Variants in AK3 observed in about 807,000 individuals in gnomAD.
AK3 encodes the protein adenylate kinase 3, also known as GTP:AMP phosphotransferase AK3, mitochondrial.
A neutral mutation model predicts 23.7 loss-of-function variants in AK3; 27 were observed. The ratio of observed to expected loss-of-function variants is 1.14; its 90% confidence interval spans 0.84 to 1.57. The LOEUF (loss-of-function observed/expected upper bound fraction) is 1.57, where lower values mean the gene tolerates loss of function less well. Ranked by LOEUF, AK3 falls within the 40% of genes most tolerant of loss-of-function variation. The pLI, the probability that AK3 is intolerant of heterozygous loss-of-function variation, is 0.00. For missense variants in AK3, 406 were observed against 285.6 expected (o/e 1.42, Z -3.04); for synonymous variants, 159 against 116.0 (o/e 1.37, Z -2.38).
chr9:4,733,104 C>T (rs916279616), intron 1 of AK3, among the ~76,000 whole-genome samples: 1 of 152,012 alleles, frequency 6.6e-6, no homozygotes, highest in African/African-American at 2.4e-5. Context: ...CTGCCTTAGC[C>T]TCCCAAAGTG....
At chr9:4,721,201 G>C (rs1408486023) in intron 2 of AK3, among the ~76,000 whole-genome samples, 1 of 152,084 alleles carries the variant, frequency 6.6e-6, no homozygotes, top group Non-Finnish European at 1.5e-5. Context: ...CCAGGAGTTT[G>C]AGACCAGTCT....
At position 4,711,595 on chromosome 9, in the gene AK3, A is replaced by C. The variant is rs150386045; in HGVS notation, c.*1381T>G. The C allele has an allele frequency of 1.3e-5, 2 of 152,488 alleles. No individual in the cohort carries two copies. The highest frequency in any genetic ancestry group is 1.5e-5 in the Non-Finnish European group (1 of 68,016). 9.4% of individuals were successfully genotyped at this position (152,488 alleles called of 1,614,324 possible). Reference sequence around the variant, plus strand: ...GGGAAAAAAACGGAACAGATTTTTAAAGGCAATAACGACTTGTAAGACGGC... The same window carrying C: ...GGGAAAAAAACGGAACAGATTTTTACAGGCAATAACGACTTGTAAGACGGC... On this transcript the variant is annotated 3_prime_UTR_variant, in exon 5 of 5. Coordinates refer to ENST00000381809, the MANE Select transcript of AK3 (RefSeq NM_016282.4).
At chr9:4,715,216 C>CAAAAAAAA (rs1237615381) in intron 4 of AK3, among the ~76,000 whole-genome samples, 3 of 56,792 alleles carry the variant, frequency 5.3e-5, no homozygotes, top group Non-Finnish European at 1.0e-4. Flanking sequence ...GACTCCGTCT[C>CAAAAAAAA]AAAAAAAAAA....
rs368373795 is a variant in AK3 at position 4,712,999 on chromosome 9, G to C, written c.661C>G (p.Gln221Glu). The C allele has an allele frequency of 2.5e-6, 4 of 1,613,388 alleles. No individual in the cohort carries two copies. In the African/African-American group the frequency reaches 5.3e-5, roughly 22 times the overall value. ...CCTCATGGAGTAACTGAAGCTTTCTGGCTTCTTTGTGGAACTTTAGTTTGT... is the reference window on the plus strand; with the variant it reads ...CCTCATGGAGTAACTGAAGCTTTCTCGCTTCTTTGTGGAACTTTAGTTTGT... ...FLQTKVPQRS[Q>E]KASVTP The change falls in exon 5 of 5, where the codon CAG (glutamine) becomes GAG (glutamate). Residue 221 changes from glutamine (Q) to glutamate (E), a missense_variant. By Grantham distance (29) the Gln-to-Glu change is conservative (BLOSUM62 2). Coordinates refer to ENST00000381809, the MANE Select transcript of AK3 (RefSeq NM_016282.4).
At chr9:4,734,879 A>C (rs988410171) in intron 1 of AK3, among the ~76,000 whole-genome samples, 31 of 152,286 alleles carry the variant, frequency 2.0e-4, no homozygotes, top group Non-Finnish European at 4.0e-4. Context: ...ACACTAAGCT[A>C]AATGAAAGAA....
Position 4,732,165 on chromosome 9 carries a change from T to C in AK3, c.151+8772A>G, listed in dbSNP as rs139412368. On this transcript the variant is annotated intron_variant, in intron 1 of 4. Transcript: ENST00000381809. ...GGGAGTCTTGCTTTGCCCAAGCTGG[T>C]CTTGAACTCCTGGGCTTAAGTGATC... Among the ~76,000 whole-genome samples the C allele has an allele frequency of 2.6e-5, 4 of 152,268 alleles. No homozygotes were observed. In the East Asian group the frequency reaches 5.8e-4, roughly 22 times the overall value.
chr9:4,713,211 T>C (rs1841610729), intron 4 of AK3, 115 bp from the exon 5 acceptor site: 6 of 1,349,922 alleles, frequency 4.4e-6, no homozygotes, highest in Admixed American at 2.4e-5. Flanking sequence ...TTGGTAAGTA[T>C]AGATTTGTGT....
rs564399478 is a variant in AK3, at chr9:4,719,080, G to T, written c.444+55C>A. On this transcript the variant is annotated intron_variant, in intron 3 of 4. Coordinates refer to ENST00000381809, the MANE Select transcript of AK3 (RefSeq NM_016282.4). ...AGTTCACTCAACTTATGTCTGTTAGGGCAAGAGGACTCAGGGACAGTCTGC... is the reference window on the plus strand; with the variant it reads ...AGTTCACTCAACTTATGTCTGTTAGTGCAAGAGGACTCAGGGACAGTCTGC... 3.5e-4 allele frequency: 558 copies of T among 1,592,678 alleles called. 2 individuals are homozygous for T. The highest frequency in any genetic ancestry group is 2.4e-3 in the Admixed American group (145 of 59,676).
intron 1 of AK3, among the ~76,000 whole-genome samples, chr9:4,735,940 C>T (rs897485708): frequency 1.4e-5 from 2 of 144,552 alleles, no homozygotes; most frequent in African/African-American, 2.5e-5. Context: ...CATGGTGAAA[C>T]CCCATCTCTA....
At chr9:4,723,308 T>C (rs761536997) in intron 1 of AK3, among the ~76,000 whole-genome samples, 9 of 152,200 alleles carry the variant, frequency 5.9e-5, no homozygotes, top group Non-Finnish European at 1.0e-4. Context: ...TCTTTAAAAA[T>C]AAGAATCTGA....
intron 4 of AK3, among the ~76,000 whole-genome samples, chr9:4,714,458 T>C (rs1362789448): frequency 6.6e-6 from 1 of 152,218 alleles, no homozygotes; most frequent in Non-Finnish European, 1.5e-5. Flanking sequence ...AAGGAAATTA[T>C]GCAAATACAG....
chr9:4,714,937 G>A (rs1001793822), intron 4 of AK3, among the ~76,000 whole-genome samples: 8 of 152,178 alleles, frequency 5.3e-5, no homozygotes, highest in African/African-American at 1.9e-4. Context: ...GACTGAATTC[G>A]GCCGGGTGTG....
At chr9:4,719,044 GAGGATT>G in intron 3 of AK3, 85 bp downstream of exon 3, 1 of 1,467,882 alleles carries the variant, frequency 6.8e-7, no homozygotes, top group Non-Finnish European at 9.4e-7. Flanking sequence ...GTTTTGGTCA[GAGGATT>G]TCCAAGTTCA....
intron 1 of AK3, among the ~76,000 whole-genome samples, chr9:4,723,753 C>T (rs1841958317): frequency 6.6e-6 from 1 of 152,168 alleles, no homozygotes; most frequent in African/African-American, 2.4e-5. Context: ...TAAAACTACA[C>T]TTTATGACAG....
intron 1 of AK3, among the ~76,000 whole-genome samples, chr9:4,735,326 T>C (rs1356148809): frequency 1.3e-3 from 130 of 101,890 alleles, no homozygotes; most frequent in Admixed American, 1.6e-3. Context: ...TATATATACA[T>C]ATATAAATAT....
chr9:4,729,529 T>C (rs1044462628), intron 1 of AK3, among the ~76,000 whole-genome samples: 4 of 151,990 alleles, frequency 2.6e-5, no homozygotes, highest in Admixed American at 2.6e-4. Context: ...CCTCGCTATA[T>C]GCCCATGAGA....
In AK3 at chr9:4,732,414, G is replaced by A. The variant is rs531272274; in HGVS notation, c.151+8523C>T. On this transcript the variant is annotated intron_variant, in intron 1 of 4. Coordinates refer to ENST00000381809, the MANE Select transcript of AK3 (RefSeq NM_016282.4). ...ATTTTGGGGATGTCAAAAGTTACAT[G>A]TGGATTTTTGACTACACTAGGAATC... Among the ~76,000 whole-genome samples, 4 of 152,326 alleles carry A rather than the reference G, an allele frequency of 2.6e-5. No individual in the cohort carries two copies. The East Asian group carries it at 5.8e-4, about 22-fold the overall frequency.
chr9:4,711,157 G>T lies in AK3; in HGVS notation c.*1819C>A, dbSNP rs1047703003. The T allele has an allele frequency of 9.8e-5, 15 of 152,316 alleles. No homozygotes were observed. Among genetic ancestry groups the T allele is most frequent in the African/African-American group, 3.6e-4 (15 of 41,450 alleles). The allele number at this position is 152,316 out of a possible 1,614,324, so 9.4% of individuals were successfully genotyped here. A position where few individuals can be genotyped will look rare whatever the true frequency, so the allele number is the denominator to read the frequency against. On this transcript the variant is annotated 3_prime_UTR_variant, in exon 5 of 5. Coordinates refer to ENST00000381809, the MANE Select transcript of AK3 (RefSeq NM_016282.4). Reference sequence around the variant, plus strand: ...TTGCATAAACTGAAACCAGCCTATGGACTGTTTTAAGATCATTTATTAGAA... The same window carrying T: ...TTGCATAAACTGAAACCAGCCTATGTACTGTTTTAAGATCATTTATTAGAA...
At position 4,740,059 on chromosome 9, in the gene AK3, AC is replaced by A. The variant is rs1171980760; in HGVS notation, c.151+877del. Among the ~76,000 whole-genome samples the A allele has an allele frequency of 1.9e-3, 133 of 69,272 alleles. 3 individuals carry two copies. Among genetic ancestry groups the A allele is most frequent in the Non-Finnish European group, 2.2e-3 (59 of 26,980 alleles). 45.4% of individuals were successfully genotyped at this position (69,272 alleles called of 152,430 possible). On this transcript the variant is annotated intron_variant, in intron 1 of 4. Transcript: ENST00000381809. The stretch of plus-strand genomic sequence containing the variant: ...CACGTCTATCCTGTTTGCTATCCTT[AC>A]AAAAAAAAAAAAAAAAAGAAGGAAA...
Sources: gnomAD v4.1 joint callset for allele counts (sites outside exome capture counted in the v4.1 genomes callset) on GRCh38, gnomAD v4.1.1 for gene constraint, MANE v1.5 for transcripts, NCBI Gene and HGNC (gene_info 2026-07-23, HGNC 2026-07-21) for gene names.